Variants in CSMD1 observed in about 807,000 individuals in gnomAD.
CSMD1 encodes the protein CUB and sushi domain-containing protein 1.
Under a neutral mutation model 417.5 loss-of-function variants are expected in CSMD1, and 213 were observed. The ratio of observed to expected loss-of-function variants is 0.51; its 90% CI spans 0.46 to 0.57. The LOEUF (loss-of-function observed/expected upper bound fraction) is 0.57. Among genes scored for constraint, CSMD1 ranks in the 20% least tolerant of loss-of-function variants. The pLI is 0.00. For synonymous variants in CSMD1, 2,862 were observed against 1,736.8 expected (o/e 1.65, Z -16.11); for missense variants, 6,923 against 4,529.7 (o/e 1.53, Z -15.17).
At chr8:4,311,009 G>C (rs944516373) in intron 3 of CSMD1, among the ~76,000 whole-genome samples, 1 of 152,184 alleles carries the variant, frequency 6.6e-6, no homozygotes, top group Non-Finnish European at 1.5e-5. Context: ...ATAGAAAGTG[G>C]CAAGGATGTG....
At chr8:4,795,658 G>C (rs1797940862) in intron 1 of CSMD1, among the ~76,000 whole-genome samples, 2 of 152,030 alleles carry the variant, frequency 1.3e-5, no homozygotes, top group African/African-American at 4.8e-5. Flanking sequence ...GGATAAATGA[G>C]TACAATATGG....
intron 3 of CSMD1, among the ~76,000 whole-genome samples, chr8:4,407,694 C>T (rs561528437): frequency 6.6e-6 from 1 of 152,254 alleles, no homozygotes; most frequent in South Asian, 2.1e-4. Flanking sequence ...AATTTGTTAT[C>T]ACGATATTCA....
intron 3 of CSMD1, among the ~76,000 whole-genome samples, chr8:4,264,037 T>A (rs1804070143): frequency 6.6e-6 from 1 of 152,290 alleles, no homozygotes. Context: ...TCCATGAACT[T>A]GGGCAAGTTT....
intron 2 of CSMD1, among the ~76,000 whole-genome samples, chr8:4,490,936 G>C (rs923897832): frequency 2.8e-4 from 42 of 152,308 alleles, no homozygotes; most frequent in African/African-American, 9.4e-4. Context: ...GGATAAGGGA[G>C]AGTTTTAGAA....
intron 10 of CSMD1, among the ~76,000 whole-genome samples, chr8:3,497,288 CATCAATAATGTT>C (rs1796406574): frequency 2.6e-5 from 4 of 152,176 alleles, no homozygotes; most frequent in African/African-American, 9.7e-5. Flanking sequence ...CTATCTCTCC[CATCAATAATGTT>C]TGCTTTATAT....
At chr8:4,636,759 T>G (rs1390937373) in intron 2 of CSMD1, among the ~76,000 whole-genome samples, 1 of 152,332 alleles carries the variant, frequency 6.6e-6, no homozygotes, top group East Asian at 1.9e-4. Context: ...GTTGATAGAC[T>G]TCAAGTTTTC....
intron 1 of CSMD1, among the ~76,000 whole-genome samples, chr8:4,885,284 T>C (rs1563673731): frequency 6.6e-6 from 1 of 152,078 alleles, no homozygotes; most frequent in African/African-American, 2.4e-5. Flanking sequence ...AAATGAGAGA[T>C]AGTTTTCCTT....
chr8:3,302,864 A>AAT (rs982379947), intron 25 of CSMD1, among the ~76,000 whole-genome samples: 1 of 152,130 alleles, frequency 6.6e-6, no homozygotes. Flanking sequence ...GGCAACTGAA[A>AAT]ATATGAGTCA....
intron 5 of CSMD1, among the ~76,000 whole-genome samples, chr8:3,773,409 C>G (rs974594977): frequency 2.0e-5 from 3 of 152,086 alleles, no homozygotes; most frequent in African/African-American, 7.2e-5. Context: ...ACCTCAGCCT[C>G]CAGAGTAGCT....
intron 1 of CSMD1, among the ~76,000 whole-genome samples, chr8:4,825,030 A>G (rs1190442233): frequency 1.3e-5 from 2 of 152,062 alleles, no homozygotes; most frequent in Non-Finnish European, 2.9e-5. Flanking sequence ...TTAGGTTTTT[A>G]TCCTTTTTGA....
chr8:4,772,682 A>G (rs768481426), intron 1 of CSMD1, among the ~76,000 whole-genome samples: 3 of 152,200 alleles, frequency 2.0e-5, no homozygotes, highest in Non-Finnish European at 4.4e-5. Context: ...ATAAAAATGT[A>G]TCTGTGAAAG....
At chr8:3,268,577 T>C (rs1176278740) in intron 26 of CSMD1, among the ~76,000 whole-genome samples, 1 of 152,124 alleles carries the variant, frequency 6.6e-6, no homozygotes, top group Non-Finnish European at 1.5e-5. Flanking sequence ...TGAGCCACCG[T>C]GCCAGGCCCA....
At chr8:3,821,516 C>T (rs1483899224) in intron 5 of CSMD1, among the ~76,000 whole-genome samples, 2 of 152,030 alleles carry the variant, frequency 1.3e-5, no homozygotes, top group African/African-American at 2.4e-5. Flanking sequence ...GGTGCGGTGG[C>T]TCACGCCTGT....
At chr8:4,442,618 A>C (rs1054952489) in intron 2 of CSMD1, among the ~76,000 whole-genome samples, 3 of 152,198 alleles carry the variant, frequency 2.0e-5, no homozygotes, top group African/African-American at 7.2e-5. Context: ...AACAGAAGCA[A>C]GCCCTCTGGA....
chr8:4,489,335 G>C (rs1154085), intron 2 of CSMD1, among the ~76,000 whole-genome samples: 2,656 of 152,278 alleles, frequency 0.017, 71 homozygotes, highest in African/African-American at 0.061. Context: ...AAACTTATTT[G>C]AGTATTTTGC....
chr8:4,772,971 A>C (rs1796672934), intron 1 of CSMD1, among the ~76,000 whole-genome samples: 1 of 152,192 alleles, frequency 6.6e-6, no homozygotes, highest in South Asian at 2.1e-4. Flanking sequence ...GGACATTTAA[A>C]GATACATGGA....
At chr8:3,788,728 A>G (rs1799574519) in intron 5 of CSMD1, among the ~76,000 whole-genome samples, 1 of 152,314 alleles carries the variant, frequency 6.6e-6, no homozygotes, top group East Asian at 1.9e-4. Context: ...CAGAGATTAG[A>G]AAGCACTTTC....
At chr8:3,896,168 C>A (rs758970651) in intron 5 of CSMD1, among the ~76,000 whole-genome samples, 8 of 152,112 alleles carry the variant, frequency 5.3e-5, no homozygotes, top group Non-Finnish European at 1.2e-4. Flanking sequence ...ATGATTAAGA[C>A]ACAACAAAAA....
intron 1 of CSMD1, among the ~76,000 whole-genome samples, chr8:4,914,068 A>G (rs1293943640): frequency 6.6e-6 from 1 of 152,222 alleles, no homozygotes; most frequent in Non-Finnish European, 1.5e-5. Flanking sequence ...TACGATACCT[A>G]AATTACTCAG....
Sources: gnomAD v4.1 joint callset for allele counts (sites outside exome capture counted in the v4.1 genomes callset) on GRCh38, gnomAD v4.1.1 for gene constraint, MANE v1.5 for transcripts, NCBI Gene and HGNC (gene_info 2026-07-23, HGNC 2026-07-21) for gene names.